The following UBAP1L variants were observed in gnomAD, a reference collection of about 807,000 sequenced individuals.
The protein encoded by UBAP1L is ubiquitin-associated protein 1-like.
In UBAP1L, 32 loss-of-function variants were observed where a neutral mutation model predicts 32.1. The ratio of observed to expected loss-of-function variants is 1.00; its 90% CI spans 0.75 to 1.34. UBAP1L has a LOEUF of 1.34. Ranked by LOEUF, UBAP1L falls within the 40% of genes most tolerant of loss-of-function variation. UBAP1L has a pLI of 0.00. For synonymous variants in UBAP1L, 243 were observed against 250.2 expected (o/e 0.97, Z 0.27); for missense variants, 516 against 540.5 (o/e 0.95, Z 0.45).
intron 1 of UBAP1L, among the ~76,000 whole-genome samples, chr15:65,108,125 T>TA (rs2140569365): frequency 6.6e-6 from 1 of 152,254 alleles, no homozygotes; most frequent in East Asian, 1.9e-4. Flanking sequence ...GAGAGTGACT[T>TA]AAAGACTTAC....
chr15:65,107,763 A>AT, intron 1 of UBAP1L, among the ~76,000 whole-genome samples: 1 of 151,446 alleles, frequency 6.6e-6, no homozygotes, highest in Non-Finnish European at 1.5e-5. Context: ...AAAAAAAAGG[A>AT]AAATTTAAAA....
chr15:65,103,154 G>C (rs1172949028), intron 2 of UBAP1L, among the ~76,000 whole-genome samples: 1 of 152,166 alleles, frequency 6.6e-6, no homozygotes, highest in Non-Finnish European at 1.5e-5. Flanking sequence ...CTGCCACCAA[G>C]GTTACTTTGG....
intron 2 of UBAP1L, chr15:65,105,792 A>C: frequency 1.4e-6 from 1 of 705,896 alleles, no homozygotes; most frequent in Non-Finnish European, 2.6e-6. Flanking sequence ...GCCCAAAAAG[A>C]GTGCTGAATT....
intron 3 of UBAP1L, chr15:65,101,342 T>C (rs1246543094): frequency 6.6e-6 from 1 of 152,234 alleles, no homozygotes; most frequent in Non-Finnish European, 1.5e-5. Context: ...CAATTATGAA[T>C]ACAAAATTGG....
chr15:65,105,913 TC>T, intron 2 of UBAP1L, 182 bp downstream of exon 2: 1 of 817,348 alleles, frequency 1.2e-6, no homozygotes, highest in Non-Finnish European at 2.0e-6. Context: ...GCCTCCACCT[TC>T]CGAGTAGCTG....
chr15:65,101,820 G>A (rs1360633898), intron 3 of UBAP1L, among the ~76,000 whole-genome samples: 1 of 152,186 alleles, frequency 6.6e-6, no homozygotes, highest in Admixed American at 6.5e-5. Context: ...TCGTTTAGAA[G>A]AGACAGGTCC....
rs934599728 is a variant in UBAP1L at position 65,099,541 on chromosome 15, T to A, written c.873A>T (p.Ile291=). Reference sequence around the variant, plus strand: ...TCTGCCTCCCTGTCTTCTGCAGAGCTATGATGGCCCTTCGCAGGGGATATC... The same window carrying A: ...TCTGCCTCCCTGTCTTCTGCAGAGCAATGATGGCCCTTCGCAGGGGATATC... The part of the protein sequence containing the change: ...ALGYPLRRAI[I]ALQKTGRQSL... The change falls in exon 4 of 6, where the codon ATA becomes ATT. Residue 291 remains isoleucine (I), a synonymous_variant. Transcript: ENST00000559089. 2.2e-5 allele frequency: 34 copies of A among 1,551,022 alleles called. No homozygotes were observed. The highest frequency in any genetic ancestry group is 2.9e-5 in the Non-Finnish European group (33 of 1,146,926).
rs369597547 is a variant in UBAP1L at position 65,106,896 on chromosome 15, C to T, written c.-173-508G>A. ...CCTTAGGTGATCCGGCCACCTCAGC[C>T]TCCCAAAATGCTGGGATTACAGGCG... is the stretch of plus-strand genomic sequence containing the variant. On this transcript the variant is annotated intron_variant, in intron 1 of 5. Transcript: ENST00000559089. 5.3e-5 allele frequency among the ~76,000 whole-genome samples: 8 copies of T among 152,272 alleles called. No individual in the cohort carries two copies. In the East Asian group the frequency reaches 1.5e-3, roughly 29 times the overall value.
chr15:65,104,224 A>G (rs1042201669), intron 2 of UBAP1L, among the ~76,000 whole-genome samples: 4 of 152,090 alleles, frequency 2.6e-5, no homozygotes, highest in Non-Finnish European at 5.9e-5. Context: ...TGCACACTCC[A>G]GCCTGGGCGA....
In UBAP1L at chr15:65,102,010, G is replaced by T; in HGVS notation, c.699+96C>A. ...TCAAGGGAGGATGCAGGAGCGCGTG[G>T]AGTAGGGGACCGAGGCTGCGGGCTG... is the stretch of plus-strand genomic sequence containing the variant. On this transcript the variant is annotated intron_variant, in intron 3 of 5. Transcript: ENST00000559089. The surrounding 1 kb of genome is among the most constrained non-coding windows in gnomAD (Gnocchi z 5.0). 2.2e-6 allele frequency: 1 copy of T among 453,152 alleles called. No homozygotes were observed. Among genetic ancestry groups the T allele is most frequent in the Non-Finnish European group, 3.4e-6 (1 of 291,480 alleles). The allele number at this position is 453,152 out of a possible 1,614,324, so 28.1% of individuals were successfully genotyped here.
intron 4 of UBAP1L, chr15:65,098,234 A>G (rs1190340616): frequency 6.6e-6 from 1 of 152,174 alleles, no homozygotes; most frequent in East Asian, 1.9e-4. Flanking sequence ...AGCCTGCCTC[A>G]TGCACCCTCT....
At chr15:65,107,272 C>T (rs1019153050) in intron 1 of UBAP1L, among the ~76,000 whole-genome samples, 5 of 150,960 alleles carry the variant, frequency 3.3e-5, no homozygotes, top group Admixed American at 2.6e-4. Flanking sequence ...TCTAACACAT[C>T]ACACAGTGGC....
Position 65,094,083 on chromosome 15 carries a change from T to C in UBAP1L, c.1011+392A>G, listed in dbSNP as rs956298502. 2.6e-5 allele frequency among the ~76,000 whole-genome samples: 4 copies of C among 152,174 alleles called. No individual in the cohort carries two copies. The highest frequency in any genetic ancestry group is 2.1e-4 in the South Asian group (1 of 4,828). On this transcript the variant is annotated intron_variant, in intron 5 of 5. Coordinates refer to ENST00000559089, the MANE Select transcript of UBAP1L (RefSeq NM_001163692.2). The surrounding 1 kb of genome is among the most constrained non-coding windows in gnomAD (Gnocchi z 4.2). ...TGTGACTATTGGGCCTACAGCTGCA[T>C]GCACTTGGGGTAGGCGGCACGCTCC... is the stretch of plus-strand genomic sequence containing the variant.
chr15:65,108,521 G>A (rs893292726), intron 1 of UBAP1L, among the ~76,000 whole-genome samples: 6 of 152,084 alleles, frequency 3.9e-5, no homozygotes, highest in African/African-American at 1.4e-4. Context: ...CAGGCAGGAG[G>A]ATCAGTTGAG....
chr15:65,104,472 A>G (rs1449601001), intron 2 of UBAP1L, among the ~76,000 whole-genome samples: 1 of 152,264 alleles, frequency 6.6e-6, no homozygotes, highest in Non-Finnish European at 1.5e-5. Context: ...TGGCACAGAC[A>G]GATTAAAGGT....
At chr15:65,093,873 G>A (rs1317382464) in intron 5 of UBAP1L, among the ~76,000 whole-genome samples, 16 of 151,930 alleles carry the variant, frequency 1.1e-4, no homozygotes, top group African/African-American at 1.7e-4. Flanking sequence ...GTGAAACTCC[G>A]TCTCTACTGA....
intron 1 of UBAP1L, among the ~76,000 whole-genome samples, chr15:65,108,440 C>G (rs1332657730): frequency 6.6e-6 from 1 of 152,106 alleles, no homozygotes; most frequent in African/African-American, 2.4e-5. Flanking sequence ...CAAAACATTT[C>G]TTAAGTTACA....
rs1185694381 is a variant in UBAP1L at position 65,102,378 on chromosome 15, A to G, written c.427T>C (p.Cys143Arg). Residue 143 changes from cysteine (C) to arginine (R), a missense_variant, in exon 3 of 6, where the codon TGC becomes CGC. Cys to Arg is a radical substitution (Grantham distance 180). Coordinates refer to ENST00000559089, the MANE Select transcript of UBAP1L (RefSeq NM_001163692.2). The surrounding 1 kb of genome is among the most constrained non-coding windows in gnomAD (Gnocchi z 5.0). ...PASPGPGRRL[C>R]SLDVLRGVRL... is the part of the protein sequence containing the mutation. ...ACGCCGCGTAGCACGTCCAGCGAGC[A>G]CAGGCGACGGCCGGGGCCGGGGCTC... 1.4e-6 allele frequency: 2 copies of G among 1,463,066 alleles called. No individual in the cohort carries two copies. The highest frequency in any genetic ancestry group is 1.8e-6 in the Non-Finnish European group (2 of 1,115,530). The allele number at this position is 1,463,066 out of a possible 1,614,324, so 90.6% of individuals were successfully genotyped here. A position where few individuals can be genotyped will look rare whatever the true frequency, so the allele number is the denominator to read the frequency against.
chr15:65,114,888 T>C (rs1457315106), intron 1 of UBAP1L, among the ~76,000 whole-genome samples: 2 of 152,184 alleles, frequency 1.3e-5, no homozygotes, highest in Non-Finnish European at 2.9e-5. Flanking sequence ...AAACATACTC[T>C]TCATGTGTGG....
Sources: gnomAD v4.1 joint callset for allele counts (sites outside exome capture counted in the v4.1 genomes callset) on GRCh38, gnomAD v4.1.1 for gene constraint, Gnocchi (gnomAD v3.1) non-coding constraint, MANE v1.5 for transcripts, NCBI Gene and HGNC (gene_info 2026-07-23, HGNC 2026-07-21) for gene names.